WNK3: variants seen among roughly 807,000 people sequenced by gnomAD.
The protein encoded by WNK3 is serine/threonine-protein kinase WNK3.
A neutral mutation model predicts 116.7 loss-of-function variants in WNK3; 18 were observed. The ratio of observed to expected loss-of-function variants is 0.15; its 90% CI spans 0.11 to 0.23. The LOEUF (loss-of-function observed/expected upper bound fraction) is 0.23, where lower values mean the gene tolerates loss of function less well. Ranked by LOEUF, WNK3 falls within the 10% of genes least tolerant of loss-of-function variation. WNK3 has a pLI of 1.00. For missense variants in WNK3, 993 were observed against 1,323.8 expected (o/e 0.75, Z 3.88); for synonymous variants, 404 against 469.4 (o/e 0.86, Z 1.80).
At chrX:54,206,827 C>T (rs1407887429) in intron 22 of WNK3, among the ~76,000 whole-genome samples, 2 of 111,384 alleles carry the variant, frequency 1.8e-5, no homozygotes, top group African/African-American at 3.3e-5. Context: ...GTCAGAAGTT[C>T]GACACCAGCC....
chrX:54,263,090 C>CT (rs1202095373), intron 10 of WNK3, among the ~76,000 whole-genome samples: 1 of 110,429 alleles, frequency 9.1e-6, no homozygotes, highest in East Asian at 2.8e-4. Flanking sequence ...GATCTTTCTC[C>CT]TTTACTTGCT....
chrX:54,200,661 C>T (rs2495786), intron 23 of WNK3, among the ~76,000 whole-genome samples: 1 of 111,451 alleles, frequency 9.0e-6, no homozygotes, highest in Non-Finnish European at 1.9e-5. Context: ...ATGACGTTCA[C>T]TACTTTTATT....
chrX:54,324,672 T>C (rs1372655584), intron 2 of WNK3, among the ~76,000 whole-genome samples: 1 of 111,903 alleles, frequency 8.9e-6, no homozygotes, highest in Non-Finnish European at 1.9e-5. Context: ...ATGAAGAGAG[T>C]GGGAAATCAA....
chrX:54,282,935 AG>A (rs1557162896), intron 10 of WNK3, among the ~76,000 whole-genome samples: 1 of 112,229 alleles, frequency 8.9e-6, no homozygotes, highest in Non-Finnish European at 1.9e-5. Flanking sequence ...TGACACCAAA[AG>A]CACAAAGTAA....
intron 10 of WNK3, among the ~76,000 whole-genome samples, chrX:54,261,938 T>C (rs2068260890): frequency 8.9e-6 from 1 of 112,125 alleles, no homozygotes; most frequent in Admixed American, 9.6e-5. Flanking sequence ...TAAGGCTTGA[T>C]ATATATTGCC....
exon 17 of WNK3, chrX:54,248,946 A>C: frequency 1.7e-6 from 2 of 1,211,110 alleles, no homozygotes; most frequent in African/African-American, 3.5e-5. Context: ...TATCCTTCTG[A>C]CTCTCGGGAT....
intron 22 of WNK3, chrX:54,223,369 C>T (rs781841028): frequency 8.9e-6 from 1 of 112,046 alleles, no homozygotes; most frequent in Admixed American, 9.5e-5. Context: ...GGCCCCCTCT[C>T]CTGCTATTGT....
intron 10 of WNK3, among the ~76,000 whole-genome samples, chrX:54,286,628 A>G (rs1458925818): frequency 2.7e-5 from 3 of 111,084 alleles, no homozygotes; most frequent in Non-Finnish European, 5.7e-5. Context: ...TAATTCAATC[A>G]AGGGCTGGGC....
At chrX:54,263,241 A>T (rs2068276021) in intron 10 of WNK3, among the ~76,000 whole-genome samples, 1 of 111,924 alleles carries the variant, frequency 8.9e-6, no homozygotes, top group Non-Finnish European at 1.9e-5. Flanking sequence ...GAGACCAGTA[A>T]AACTGGGATG....
intron 2 of WNK3, among the ~76,000 whole-genome samples, chrX:54,317,725 G>A (rs981540351): frequency 2.0e-4 from 21 of 106,568 alleles, no homozygotes; most frequent in African/African-American, 3.1e-4. Flanking sequence ...TCCGCCTCCC[G>A]GGTTCACGCC....
At chrX:54,321,443 G>C (rs2069033182) in intron 2 of WNK3, among the ~76,000 whole-genome samples, 1 of 111,472 alleles carries the variant, frequency 9.0e-6, no homozygotes, top group Admixed American at 9.7e-5. Context: ...AGAAACAGCA[G>C]TCATGGCAAT....
chrX:54,320,686 A>C (rs1603397804), intron 2 of WNK3, among the ~76,000 whole-genome samples: 1 of 106,504 alleles, frequency 9.4e-6, no homozygotes, highest in African/African-American at 3.4e-5. Flanking sequence ...CACTATGCCT[A>C]TGCTCAGCTT....
At chrX:54,238,779 G>A (rs1247216389) in intron 18 of WNK3, 89 bp downstream of exon 18, 4 of 726,674 alleles carry the variant, frequency 5.5e-6, no homozygotes, top group Non-Finnish European at 7.7e-6. Context: ...TGTGGAAAAA[G>A]TGGCAAGATT....
chrX:54,308,675 TCTTA>T (rs1407265278), intron 4 of WNK3, among the ~76,000 whole-genome samples: 6 of 112,103 alleles, frequency 5.4e-5, no homozygotes, highest in African/African-American at 1.6e-4. Context: ...TAATAAACTC[TCTTA>T]CTTACATCCT....
intron 17 of WNK3, among the ~76,000 whole-genome samples, chrX:54,240,169 T>C (rs1557151242): frequency 9.1e-6 from 1 of 110,353 alleles, no homozygotes; most frequent in Non-Finnish European, 1.9e-5. Context: ...CCTGTCGTGG[T>C]GGTGCCTGCC....
At chrX:54,258,625 C>T (rs1022513685) in intron 11 of WNK3, among the ~76,000 whole-genome samples, 2 of 110,279 alleles carry the variant, frequency 1.8e-5, no homozygotes, top group Non-Finnish European at 3.8e-5. Flanking sequence ...TGAGCCACTG[C>T]ACCCGGCCTC....
At chrX:54,347,951 C>A (rs976319831) in intron 1 of WNK3, among the ~76,000 whole-genome samples, 10 of 109,456 alleles carry the variant, frequency 9.1e-5, no homozygotes, top group Admixed American at 2.0e-4. Flanking sequence ...AATATATGTT[C>A]TCTCCTTCAC....
intron 2 of WNK3, among the ~76,000 whole-genome samples, chrX:54,314,436 CTTTA>C (rs2068927424): frequency 9.0e-6 from 1 of 111,001 alleles, no homozygotes; most frequent in South Asian, 3.8e-4. Context: ...ATTTTATGTT[CTTTA>C]TTTATTTCAC....
intron 10 of WNK3, among the ~76,000 whole-genome samples, chrX:54,271,642 T>C (rs1379792890): frequency 8.9e-6 from 1 of 112,496 alleles, no homozygotes; most frequent in African/African-American, 3.2e-5. Flanking sequence ...TATAATATGA[T>C]AAAATTATTT....
Sources: gnomAD v4.1 joint callset for allele counts (sites outside exome capture counted in the v4.1 genomes callset) on GRCh38, gnomAD v4.1.1 for gene constraint, MANE v1.5 for transcripts, NCBI Gene and HGNC (gene_info 2026-07-23, HGNC 2026-07-21) for gene names.